Variants in KIF20B observed in about 807,000 individuals in gnomAD.
The protein encoded by KIF20B is kinesin-like protein KIF20B.
In KIF20B, 188 loss-of-function variants were observed where a neutral mutation model predicts 232.5. The observed-to-expected ratio is 0.81, with a 90% CI of 0.72 to 0.91. The LOEUF (loss-of-function observed/expected upper bound fraction) is 0.91. KIF20B is among the 40% of genes least tolerant of loss of function. The pLI is 0.00. For missense variants in KIF20B, 2,154 were observed against 2,055.9 expected (o/e 1.05, Z -0.92); for synonymous variants, 712 against 683.0 (o/e 1.04, Z -0.66).
At chr10:89,710,440 G>C (rs1229232742) in intron 5 of KIF20B, among the ~76,000 whole-genome samples, 7 of 152,072 alleles carry the variant, frequency 4.6e-5, no homozygotes, top group Admixed American at 4.6e-4. Context: ...TTTTGGCCAG[G>C]CTAGTCTCGA....
rs748450244 is a variant in KIF20B, at chr10:89,719,730, C to G, written c.1722+24C>G. The G allele has an allele frequency of 7.3e-6, 11 of 1,513,962 alleles. No homozygotes were observed. The East Asian group carries it at 1.8e-4, about 25-fold the overall frequency. 93.8% of individuals were successfully genotyped at this position (1,513,962 alleles called of 1,614,324 possible). On this transcript the variant is annotated intron_variant, in intron 13 of 32. Transcript: ENST00000371728. ...GAGTATGTATTAAGAACTCATACTT[C>G]TATGCTTGTCTTCTTATTCTGAAGT...
At chr10:89,724,948 T>A in intron 14 of KIF20B, 72 bp from the exon 15 acceptor site, 1 of 1,429,726 alleles carries the variant, frequency 7.0e-7, no homozygotes, top group South Asian at 1.2e-5. Flanking sequence ...ATACTTAAAC[T>A]TAGATGTTTA....
intron 23 of KIF20B, among the ~76,000 whole-genome samples, chr10:89,748,264 C>T (rs1003211495): frequency 1.9e-4 from 29 of 152,212 alleles, no homozygotes; most frequent in African/African-American, 7.0e-4. Context: ...CCCGCCTTGG[C>T]CTCCCAAAGT....
intron 13 of KIF20B, among the ~76,000 whole-genome samples, chr10:89,723,026 TCACTTTTTCATTATTTAAA>T (rs1397791220): frequency 6.6e-6 from 1 of 152,106 alleles, no homozygotes; most frequent in Non-Finnish European, 1.5e-5. Flanking sequence ...TGAGTTGGGT[TCACTTTTTCATTATTTAAA>T]CACAACTACC....
At chr10:89,749,470 T>C (rs1841982446) in intron 23 of KIF20B, among the ~76,000 whole-genome samples, 1 of 152,168 alleles carries the variant, frequency 6.6e-6, no homozygotes, top group Non-Finnish European at 1.5e-5. Flanking sequence ...CCATCACCAC[T>C]ATCTAATTAC....
intron 18 of KIF20B, among the ~76,000 whole-genome samples, chr10:89,731,248 A>G (rs1843312125): frequency 6.6e-6 from 1 of 152,228 alleles, no homozygotes; most frequent in South Asian, 2.1e-4. Context: ...ACATGGGATT[A>G]TATTTATTGC....
In KIF20B at chr10:89,738,035, A is replaced by C; in HGVS notation, c.3194A>C (p.Lys1065Thr). The C allele has an allele frequency of 6.2e-7, 1 of 1,613,518 alleles. No individual in the cohort carries two copies. Among genetic ancestry groups the C allele is most frequent in the Non-Finnish European group, 8.5e-7 (1 of 1,179,652 alleles). ...SSIEAIWEEC[K>T]EIVKASSKKS... Reference sequence around the variant, plus strand: ...ATTGAAGCTATTTGGGAAGAATGTAAAGAGATTGTGAAGGCCTCTTCCAAA... The same window carrying C: ...ATTGAAGCTATTTGGGAAGAATGTACAGAGATTGTGAAGGCCTCTTCCAAA... Residue 1065 changes from lysine to threonine, a missense_variant, in exon 20 of 33, where the codon AAA (lysine) becomes ACA (threonine). Lys to Thr is a moderately conservative substitution (Grantham distance 78). Transcript: ENST00000371728.
chr10:89,768,656 G>A, intron 30 of KIF20B, 82 bp from the exon 31 acceptor site: 1 of 1,291,514 alleles, frequency 7.7e-7, no homozygotes, highest in Non-Finnish European at 1.1e-6. Context: ...CCTGTCTCTG[G>A]CCTCTTTAAT....
chr10:89,716,806 A>G (rs1177642482), intron 9 of KIF20B, among the ~76,000 whole-genome samples: 1 of 152,102 alleles, frequency 6.6e-6, no homozygotes, highest in Non-Finnish European at 1.5e-5. Flanking sequence ...TAAGCTCAGT[A>G]TTTTTGGAGT....
chr10:89,733,128 A>T (rs1262970230), intron 19 of KIF20B, 72 bp downstream of exon 19: 1 of 1,461,144 alleles, frequency 6.8e-7, no homozygotes, highest in South Asian at 1.2e-5. Context: ...AACAAGGCAA[A>T]CAGAGGGGCA....
intron 14 of KIF20B, 119 bp downstream of exon 14, chr10:89,724,222 C>A: frequency 2.0e-6 from 2 of 1,025,296 alleles, no homozygotes; most frequent in Non-Finnish European, 2.6e-6. Context: ...TCTCTTTATA[C>A]AAGCTTGAAA....
In KIF20B at chr10:89,717,392, T is replaced by C. The variant is rs1564659466; in HGVS notation, c.1053-32T>C. 5.9e-6 allele frequency: 8 copies of C among 1,351,004 alleles called. No homozygotes were observed. In the Admixed American group the frequency reaches 9.5e-5, roughly 16 times the overall value. The allele number at this position is 1,351,004 out of a possible 1,614,324, so 83.7% of individuals were successfully genotyped here. On this transcript the variant is annotated intron_variant, in intron 9 of 32. Coordinates refer to ENST00000371728, the MANE Select transcript of KIF20B (RefSeq NM_001284259.2). ...CTATTTAGAATGCAGAAATTAAAAATGATAAGATAACATTTGATCTTTGTA... is the reference window on the plus strand; with the variant it reads ...CTATTTAGAATGCAGAAATTAAAAACGATAAGATAACATTTGATCTTTGTA...
chr10:89,724,236 G>A (rs1181555250), intron 14 of KIF20B, 133 bp downstream of exon 14: 2 of 903,052 alleles, frequency 2.2e-6, no homozygotes, highest in East Asian at 6.7e-5. Context: ...CTTGAAAATA[G>A]CTGTTACTGG....
At chr10:89,722,172 C>T (rs545218447) in intron 13 of KIF20B, among the ~76,000 whole-genome samples, 2 of 152,156 alleles carry the variant, frequency 1.3e-5, no homozygotes, top group Non-Finnish European at 2.9e-5. Flanking sequence ...CCTTGCAAAG[C>T]GCTGGGATTA....
At chr10:89,711,951 T>G (rs921963705) in intron 6 of KIF20B, among the ~76,000 whole-genome samples, 35 of 152,296 alleles carry the variant, frequency 2.3e-4, no homozygotes, top group African/African-American at 8.2e-4. Flanking sequence ...TTTCCCAAAC[T>G]CAGGCCAAGA....
chr10:89,751,165 A>G lies in KIF20B; in HGVS notation c.4097-181A>G, dbSNP rs566557061. On this transcript the variant is annotated intron_variant, in intron 23 of 32. Coordinates refer to ENST00000371728, the MANE Select transcript of KIF20B (RefSeq NM_001284259.2). Reference sequence around the variant, plus strand: ...ACACCAAATATATATTTAGTATGTCATATATACCAGTACTGTTGTAGACAT... The same window carrying G: ...ACACCAAATATATATTTAGTATGTCGTATATACCAGTACTGTTGTAGACAT... 1.6e-4 allele frequency among the ~76,000 whole-genome samples: 25 copies of G among 152,244 alleles called. No individual in the cohort carries two copies. The South Asian group carries it at 2.9e-3, about 18-fold the overall frequency.
chr10:89,762,617 T>C lies in KIF20B; in HGVS notation c.4792-21T>C, dbSNP rs377082331. ...ATGTATACTCTACAAATAATATTTT[T>C]CCTTTTACATTCTGTTGTAGGATGG... On this transcript the variant is annotated intron_variant, in intron 28 of 32. Coordinates refer to ENST00000371728, the MANE Select transcript of KIF20B (RefSeq NM_001284259.2). 6 of 1,561,558 alleles carry C rather than the reference T, an allele frequency of 3.8e-6. 1 individual carries two copies. Among genetic ancestry groups the C allele is most frequent in the African/African-American group, 2.7e-5 (2 of 73,722 alleles).
intron 23 of KIF20B, among the ~76,000 whole-genome samples, chr10:89,750,823 T>C (rs754507972): frequency 2.0e-5 from 3 of 152,074 alleles, no homozygotes; most frequent in Non-Finnish European, 2.9e-5. Context: ...TAAATAAAAA[T>C]TTAAAATAGA....
chr10:89,762,523 G>A (rs1043245660), intron 28 of KIF20B, 115 bp from the exon 29 acceptor site: 13 of 707,754 alleles, frequency 1.8e-5, no homozygotes, highest in Non-Finnish European at 7.0e-6. Flanking sequence ...GATCTAGCAC[G>A]CTTTTTGTCT....
Sources: gnomAD v4.1 joint callset for allele counts (sites outside exome capture counted in the v4.1 genomes callset) on GRCh38, gnomAD v4.1.1 for gene constraint, MANE v1.5 for transcripts, NCBI Gene and HGNC (gene_info 2026-07-23, HGNC 2026-07-21) for gene names.